Variants in MOCOS observed in about 807,000 individuals in gnomAD.
The protein encoded by MOCOS is molybdenum cofactor sulfurase, also known as human molybdenum cofactor sulfurase.
Under a neutral mutation model 83.6 loss-of-function variants are expected in MOCOS, and 86 were observed. The observed-to-expected ratio is 1.03, with a 90% CI of 0.86 to 1.23. MOCOS has a LOEUF of 1.23. Ranked by LOEUF, MOCOS falls within the 50% of genes most tolerant of loss-of-function variation. The pLI, the probability that MOCOS is intolerant of heterozygous loss-of-function variation, is 0.00. For missense variants in MOCOS, 1,120 were observed against 1,126.9 expected, an observed-to-expected ratio of 0.99 and a Z score of 0.09; for synonymous variants, 445 against 434.7, an observed-to-expected ratio of 1.02 and a Z score of -0.29.
chr18:36,240,815 G>T (rs1052245325), intron 9 of MOCOS, among the ~76,000 whole-genome samples: 2 of 152,182 alleles, frequency 1.3e-5, no homozygotes, highest in African/African-American at 4.8e-5. Context: ...TCCGAGCCAG[G>T]TGCAGGATAT....
At chr18:36,256,747 T>G (rs1031139747) in intron 11 of MOCOS, 1 of 490,032 alleles carries the variant, frequency 2.0e-6, no homozygotes, top group East Asian at 4.1e-5. Flanking sequence ...TTATTGTTAT[T>G]TTCTCCACGT....
chr18:36,192,399 G>T (rs923274725), intron 1 of MOCOS, among the ~76,000 whole-genome samples: 1 of 152,074 alleles, frequency 6.6e-6, no homozygotes, highest in African/African-American at 2.4e-5. Context: ...TTTATCAAAA[G>T]AAGTATCACA....
chr18:36,223,171 A>G (rs994703529), intron 9 of MOCOS, among the ~76,000 whole-genome samples: 1 of 152,158 alleles, frequency 6.6e-6, no homozygotes, highest in Non-Finnish European at 1.5e-5. Context: ...TGCCAAGACC[A>G]ATGTCATGAA....
At chr18:36,205,346 T>C in intron 6 of MOCOS, 70 bp downstream of exon 6, 1 of 1,473,626 alleles carries the variant, frequency 6.8e-7, no homozygotes, top group Admixed American at 1.7e-5. Context: ...CAATGTAGTG[T>C]GACAAAGTCC....
intron 9 of MOCOS, among the ~76,000 whole-genome samples, chr18:36,238,517 G>T (rs1419940412): frequency 6.7e-6 from 1 of 148,456 alleles, no homozygotes; most frequent in Non-Finnish European, 1.5e-5. Context: ...TATAATTTCT[G>T]TTCTTTTACA....
chr18:36,245,768 T>G (rs936361508), intron 9 of MOCOS, among the ~76,000 whole-genome samples: 5 of 152,188 alleles, frequency 3.3e-5, no homozygotes, highest in African/African-American at 1.2e-4. Flanking sequence ...CAATTATTCT[T>G]ATGTTTGGTC....
At chr18:36,193,807 TGA>T (rs748982726) in intron 1 of MOCOS, among the ~76,000 whole-genome samples, 2 of 152,070 alleles carry the variant, frequency 1.3e-5, no homozygotes, top group Non-Finnish European at 2.9e-5. Context: ...ACCCACCAAA[TGA>T]GAGAAAACAC....
intron 9 of MOCOS, among the ~76,000 whole-genome samples, chr18:36,222,117 T>C (rs546470920): frequency 1.3e-5 from 2 of 152,302 alleles, no homozygotes; most frequent in African/African-American, 2.4e-5. Flanking sequence ...ATACCATATT[T>C]ACTTTGTTCA....
At position 36,246,391 on chromosome 18, in the gene MOCOS, G is replaced by A. The variant is rs1048357206; in HGVS notation, c.1961-2531G>A. Among the ~76,000 whole-genome samples the A allele has an allele frequency of 4.6e-5, 7 of 152,078 alleles. 1 individual carries two copies. Among genetic ancestry groups the A allele is most frequent in the African/African-American group, 1.7e-4 (7 of 41,362 alleles). On this transcript the variant is annotated intron_variant, in intron 9 of 14. Transcript: ENST00000261326. ...AAGCCAGACTGCAGTGATTGTTATT[G>A]CCTTTCTGGTTCTAGCCATTTAGCA...
chr18:36,203,328 T>G, intron 5 of MOCOS, 139 bp downstream of exon 5: 1 of 836,334 alleles, frequency 1.2e-6, no homozygotes, highest in Admixed American at 2.0e-5. Context: ...TGATTCCTAG[T>G]AACTTCAAAA....
chr18:36,195,159 G>T (rs1449609814), intron 1 of MOCOS, 98 bp from the exon 2 acceptor site: 5 of 986,030 alleles, frequency 5.1e-6, no homozygotes, highest in Non-Finnish European at 8.1e-6. Flanking sequence ...CAAGTCAGTG[G>T]CCTGATGTTA....
At chr18:36,235,097 T>C (rs148649680) in intron 9 of MOCOS, among the ~76,000 whole-genome samples, 1 of 152,144 alleles carries the variant, frequency 6.6e-6, no homozygotes, top group East Asian at 1.9e-4. Context: ...AAACCAATCA[T>C]GCCTTCTCAA....
At chr18:36,189,493 G>T (rs1001535004) in intron 1 of MOCOS, among the ~76,000 whole-genome samples, 1 of 152,100 alleles carries the variant, frequency 6.6e-6, no homozygotes, top group Non-Finnish European at 1.5e-5. Flanking sequence ...CCTCTTCCTC[G>T]TTCCTCCTCT....
chr18:36,194,537 G>C (rs1016224458), intron 1 of MOCOS, among the ~76,000 whole-genome samples: 1 of 152,168 alleles, frequency 6.6e-6, no homozygotes, highest in Non-Finnish European at 1.5e-5. Flanking sequence ...CAAAAGTGTG[G>C]GTATTTGTAA....
intron 9 of MOCOS, among the ~76,000 whole-genome samples, chr18:36,238,222 T>G (rs11081938): frequency 0.44 from 60,846 of 138,728 alleles, 13,437 homozygotes; most frequent in African/African-American, 0.55. Context: ...TTAATTGTGA[T>G]GTTAGGGTGT....
At chr18:36,190,271 T>G (rs1258509504) in intron 1 of MOCOS, 5 of 152,198 alleles carry the variant, frequency 3.3e-5, no homozygotes, top group Non-Finnish European at 7.3e-5. Context: ...GTTTTAAAAG[T>G]ATCTTTTTGG....
chr18:36,247,685 A>G (rs2144136298), intron 9 of MOCOS, among the ~76,000 whole-genome samples: 1 of 152,044 alleles, frequency 6.6e-6, no homozygotes, highest in South Asian at 2.1e-4. Context: ...CAGGTTCCCC[A>G]ATGGGGATGT....
intron 11 of MOCOS, among the ~76,000 whole-genome samples, chr18:36,253,147 A>G (rs544068720): frequency 6.6e-6 from 1 of 152,314 alleles, no homozygotes; most frequent in East Asian, 1.9e-4. Context: ...TATTCATAGC[A>G]CCCATTGCCT....
At position 36,227,408 on chromosome 18, in the gene MOCOS, T is replaced by C. The variant is rs536237505; in HGVS notation, c.1960+7191T>C. On this transcript the variant is annotated intron_variant, in intron 9 of 14. Transcript: ENST00000261326. Reference sequence around the variant, plus strand: ...TGCCATGCCCAGCTAAATTTTTTTTTTTTTTGAGATGGGGTCTCGCTCTGT... The same window carrying C: ...TGCCATGCCCAGCTAAATTTTTTTTCTTTTTGAGATGGGGTCTCGCTCTGT... Among the ~76,000 whole-genome samples the C allele has an allele frequency of 2.3e-4, 35 of 152,036 alleles. No individual in the cohort carries two copies. The South Asian group carries it at 5.2e-3, about 23-fold the overall frequency.
Sources: allele counts gnomAD v4.1 joint callset (sites outside exome capture counted in the v4.1 genomes callset), GRCh38; gene constraint gnomAD v4.1.1; transcripts MANE v1.5; gene names NCBI Gene and HGNC (gene_info 2026-07-23, HGNC 2026-07-21).